Variants in RALGAPB observed in about 807,000 individuals in gnomAD.
RALGAPB encodes ral GTPase-activating protein subunit beta.
In RALGAPB, 25 loss-of-function variants were observed where a neutral mutation model predicts 161.1. The ratio of observed to expected loss-of-function variants is 0.16; its 90% CI spans 0.11 to 0.22. RALGAPB has a LOEUF of 0.22. RALGAPB is among the 10% of genes least tolerant of loss of function. The pLI, the probability that RALGAPB is intolerant of heterozygous loss-of-function variation, is 1.00. For synonymous variants in RALGAPB, 629 were observed against 626.1 expected (o/e 1.00, Z -0.07); for missense variants, 1,391 against 1,815.2 (o/e 0.77, Z 4.25).
At chr20:38,485,002 A>T (rs2085075150) in intron 1 of RALGAPB, among the ~76,000 whole-genome samples, 3 of 152,192 alleles carry the variant, frequency 2.0e-5, no homozygotes, top group Admixed American at 2.0e-4. Flanking sequence ...CTGCCTGGTG[A>T]TGTGATTTTT....
chr20:38,571,420 G>C (rs2088234663), intron 28 of RALGAPB, among the ~76,000 whole-genome samples: 1 of 152,064 alleles, frequency 6.6e-6, no homozygotes, highest in Admixed American at 6.6e-5. Context: ...TCCACTCTCT[G>C]CTTCTCTGAG....
At chr20:38,566,816 CCA>C (rs1401624794) in intron 25 of RALGAPB, among the ~76,000 whole-genome samples, 2 of 152,174 alleles carry the variant, frequency 1.3e-5, no homozygotes. Context: ...AGCTGGCAAA[CCA>C]CAGTGGCACA....
intron 13 of RALGAPB, 80 bp downstream of exon 13, chr20:38,526,122 A>G: frequency 2.7e-6 from 4 of 1,470,860 alleles, no homozygotes; most frequent in Non-Finnish European, 3.7e-6. Context: ...GCAGTCGGTA[A>G]TGGGAGCCTA....
chr20:38,491,694 C>T (rs1267587063), intron 2 of RALGAPB, among the ~76,000 whole-genome samples: 1 of 152,162 alleles, frequency 6.6e-6, no homozygotes, highest in African/African-American at 2.4e-5. Flanking sequence ...TGCTAAGCTT[C>T]TGTTTTCTTA....
At position 38,559,377 on chromosome 20, in the gene RALGAPB, A is replaced by G. The variant is rs555157876; in HGVS notation, c.3531+924A>G. ...GAATGCATAGTGTGCAGTGGGAGAA[A>G]TAACACCTGAAATAAAGGAGAAAAA... On this transcript the variant is annotated intron_variant, in intron 23 of 29. Transcript: ENST00000262879. 1.2e-4 allele frequency among the ~76,000 whole-genome samples: 18 copies of G among 152,324 alleles called. No individual in the cohort carries two copies. The South Asian group carries it at 2.9e-3, about 25-fold the overall frequency.
At position 38,570,707 on chromosome 20, in the gene RALGAPB, T is replaced by C. The variant is rs2088198926; in HGVS notation, c.4064-62T>C. The C allele has an allele frequency of 7.5e-6, 8 of 1,072,884 alleles. No homozygotes were observed. The East Asian group carries it at 1.9e-4, about 26-fold the overall frequency. 66.5% of individuals were successfully genotyped at this position (1,072,884 alleles called of 1,614,324 possible). ...TGTAAAGCGATTAGAAAATTAGATTTCCTATTATCTGTTTGGGAAAATGAG... is the reference window on the plus strand; with the variant it reads ...TGTAAAGCGATTAGAAAATTAGATTCCCTATTATCTGTTTGGGAAAATGAG... On this transcript the variant is annotated intron_variant, in intron 27 of 29. Transcript: ENST00000262879.
intron 1 of RALGAPB, 123 bp downstream of exon 1, chr20:38,473,192 C>T: frequency 3.2e-6 from 1 of 307,792 alleles, no homozygotes. Context: ...GGGGCCCGGC[C>T]TTTGGAAGCT....
At chr20:38,480,334 T>TC (rs1166110450) in intron 1 of RALGAPB, among the ~76,000 whole-genome samples, 4 of 140,752 alleles carry the variant, frequency 2.8e-5, no homozygotes, top group Admixed American at 2.1e-4. Context: ...TTTTTTTTTT[T>TC]GCTACCTGAA....
intron 15 of RALGAPB, among the ~76,000 whole-genome samples, chr20:38,534,175 A>G (rs1568950242): frequency 6.6e-6 from 1 of 151,966 alleles, no homozygotes; most frequent in East Asian, 1.9e-4. Flanking sequence ...AAAAACAAAA[A>G]AAGAAATTTT....
At chr20:38,505,050 C>T (rs1490905067) in intron 5 of RALGAPB, among the ~76,000 whole-genome samples, 1 of 152,204 alleles carries the variant, frequency 6.6e-6, no homozygotes, top group Non-Finnish European at 1.5e-5. Flanking sequence ...AATACGACTA[C>T]CATTCAACCC....
chr20:38,513,235 G>C (rs556505021), intron 6 of RALGAPB, among the ~76,000 whole-genome samples: 1 of 152,084 alleles, frequency 6.6e-6, no homozygotes, highest in East Asian at 2.0e-4. Flanking sequence ...TGGGCGTGGT[G>C]GCTCACGCCT....
chr20:38,540,945 A>T, intron 17 of RALGAPB, 96 bp from the exon 18 acceptor site: 1 of 1,374,066 alleles, frequency 7.3e-7, no homozygotes, highest in Non-Finnish European at 9.9e-7. Flanking sequence ...GAGCCCTTCC[A>T]CCAAAACGCA....
At chr20:38,548,129 C>T (rs889298879) in intron 19 of RALGAPB, 9 of 152,084 alleles carry the variant, frequency 5.9e-5, no homozygotes, top group South Asian at 2.1e-4. Flanking sequence ...CTGGGTCACT[C>T]GGGAAGTCCA....
intron 22 of RALGAPB, among the ~76,000 whole-genome samples, chr20:38,555,552 G>C (rs1301077572): frequency 6.6e-6 from 1 of 152,192 alleles, no homozygotes; most frequent in Non-Finnish European, 1.5e-5. Flanking sequence ...GATATTCCTA[G>C]TGGAGAAAAT....
At chr20:38,571,009 A>G (rs1456924489) in intron 28 of RALGAPB, among the ~76,000 whole-genome samples, 162 bp downstream of exon 28, 2 of 152,224 alleles carry the variant, frequency 1.3e-5, no homozygotes, top group African/African-American at 4.8e-5. Flanking sequence ...AAGGTTATCA[A>G]ATTATTATAG....
At chr20:38,516,456 C>A in intron 7 of RALGAPB, 86 bp downstream of exon 7, 5 of 1,240,594 alleles carry the variant, frequency 4.0e-6, no homozygotes, top group Admixed American at 2.9e-5. Flanking sequence ...TAGAAAACAT[C>A]CGAAGGAAAA....
chr20:38,498,498 C>T (rs1168533252), intron 4 of RALGAPB, among the ~76,000 whole-genome samples: 1 of 152,190 alleles, frequency 6.6e-6, no homozygotes, highest in Non-Finnish European at 1.5e-5. Context: ...GGAAGGGATG[C>T]AATGATAGTA....
chr20:38,525,553 T>G, intron 12 of RALGAPB, 35 bp downstream of exon 12: 1 of 1,438,586 alleles, frequency 7.0e-7, no homozygotes, highest in Non-Finnish European at 9.7e-7. Flanking sequence ...ATATCCTATA[T>G]TCTGTTTTTT....
chr20:38,531,292 T>C (rs542839658), intron 14 of RALGAPB, 61 bp downstream of exon 14: 2 of 1,363,014 alleles, frequency 1.5e-6, no homozygotes, highest in African/African-American at 2.9e-5. Flanking sequence ...GTAAATTATA[T>C]TCCAGAATGT....
Sources: gnomAD v4.1 joint callset for allele counts (sites outside exome capture counted in the v4.1 genomes callset) on GRCh38, gnomAD v4.1.1 for gene constraint, MANE v1.5 for transcripts, NCBI Gene and HGNC (gene_info 2026-07-23, HGNC 2026-07-21) for gene names.